Variants in OCA2 observed in about 807,000 individuals in gnomAD.
OCA2 encodes P protein.
In OCA2, 77 loss-of-function variants were observed where a neutral mutation model predicts 100.2. That is an observed-to-expected ratio of 0.77 (90% CI 0.64 to 0.93). The LOEUF (loss-of-function observed/expected upper bound fraction) is 0.93. Among genes scored for constraint, OCA2 ranks in the 40% least tolerant of loss-of-function variants. The pLI, the probability that OCA2 is intolerant of heterozygous loss-of-function variation, is 0.00. For missense variants in OCA2, 1,062 were observed against 1,089.1 expected, an observed-to-expected ratio of 0.98 and a Z score of 0.35; for synonymous variants, 432 against 439.2, an observed-to-expected ratio of 0.98 and a Z score of 0.21.
chr15:28,028,672 TTTG>T (rs987706815), intron 3 of OCA2, among the ~76,000 whole-genome samples: 18 of 152,070 alleles, frequency 1.2e-4, no homozygotes, highest in Admixed American at 5.2e-4. Context: ...TTTTGGGATT[TTTG>T]TTGTTGTTGT....
rs1164487310 is a variant in OCA2 at position 28,022,489 on chromosome 15, G to C, written c.646+12C>G. On this transcript the variant is annotated intron_variant, in intron 6 of 23. Transcript: ENST00000354638. ...CCAGGCGGCTGGCCATCTCAGAGTG[G>C]ATTTTGGATACAGTAGTTCTCCAGC... is the stretch of plus-strand genomic sequence containing the variant. The C allele has an allele frequency of 8.7e-6, 14 of 1,604,576 alleles. No homozygotes were observed. Among genetic ancestry groups the C allele is most frequent in the Non-Finnish European group, 1.2e-5 (14 of 1,171,298 alleles).
At chr15:27,763,582 G>A (rs531583002) in intron 23 of OCA2, among the ~76,000 whole-genome samples, 12 of 152,344 alleles carry the variant, frequency 7.9e-5, no homozygotes, top group Non-Finnish European at 1.2e-4. Context: ...GCAATGATGC[G>A]GCTGCTGTGA....
rs139963152 is a variant in OCA2 at position 27,831,415 on chromosome 15, C to A, written c.2432+13544G>T. ...ATTTCCAGGGAACACAGAGCAAAGG[C>A]GTCGACAGCGCTGAGCAGGCACAGA... On this transcript the variant is annotated intron_variant, in intron 23 of 23. Transcript: ENST00000354638. Among the ~76,000 whole-genome samples, 85 of 152,132 alleles carry A rather than the reference C, an allele frequency of 5.6e-4. 2 individuals are homozygous for A. The highest frequency in any genetic ancestry group is 2.0e-3 in the African/African-American group (82 of 41,504).
chr15:28,084,212 G>T (rs1348654567), intron 1 of OCA2, among the ~76,000 whole-genome samples: 1 of 152,198 alleles, frequency 6.6e-6, no homozygotes, highest in Non-Finnish European at 1.5e-5. Flanking sequence ...GAATCTGTTG[G>T]TGCTGTGATC....
chr15:28,022,075 A>T (rs1356379452), intron 6 of OCA2, among the ~76,000 whole-genome samples: 3 of 152,188 alleles, frequency 2.0e-5, no homozygotes, highest in Non-Finnish European at 4.4e-5. Context: ...ACTTCTAACT[A>T]AAAATTCTGA....
chr15:27,824,602 C>CTCTCTATATATATA, intron 23 of OCA2, among the ~76,000 whole-genome samples: 6 of 47,586 alleles, frequency 1.3e-4, no homozygotes, highest in South Asian at 1.5e-3. Context: ...CTCTCTCTCT[C>CTCTCTATATATATA]TATATATATA....
At chr15:27,990,753 C>T (rs778267876) in intron 9 of OCA2, 106 bp from the exon 10 acceptor site, 4 of 936,990 alleles carry the variant, frequency 4.3e-6, no homozygotes, top group Non-Finnish European at 7.0e-6. Context: ...CTGTGTACCA[C>T]ATCTATTCAA....
Position 27,896,638 on chromosome 15 carries a change from CAAAA to C in OCA2, c.2080-24720_2080-24717del, listed in dbSNP as rs58489908. On this transcript the variant is annotated intron_variant, in intron 19 of 23. Transcript: ENST00000354638. ...ATGAAGATCATAAACTTATTGACAGCAAAAAAAAAAAAAAAAAATGAACTTTATA... is the reference window on the plus strand; with the variant it reads ...ATGAAGATCATAAACTTATTGACAGCAAAAAAAAAAAAAATGAACTTTATA... The C allele has an allele frequency of 9.9e-3, 1,404 of 141,396 alleles. 3 individuals are homozygous for C. The highest frequency in any genetic ancestry group is 0.022 in the East Asian group (111 of 5,114). 8.8% of individuals were successfully genotyped at this position (141,396 alleles called of 1,614,324 possible).
chr15:27,790,386 A>G (rs1413814616), intron 23 of OCA2, among the ~76,000 whole-genome samples: 1 of 152,224 alleles, frequency 6.6e-6, no homozygotes, highest in African/African-American at 2.4e-5. Flanking sequence ...GGTGAGAGAA[A>G]TGAAAACATA....
chr15:28,054,801 C>T (rs2043636863), intron 2 of OCA2, among the ~76,000 whole-genome samples: 2 of 152,184 alleles, frequency 1.3e-5, no homozygotes, highest in South Asian at 4.1e-4. Flanking sequence ...GTTTAATTGA[C>T]TCACAGTTCC....
At chr15:28,033,847 T>C (rs1270332011) in intron 2 of OCA2, among the ~76,000 whole-genome samples, 1 of 152,178 alleles carries the variant, frequency 6.6e-6, no homozygotes, top group Non-Finnish European at 1.5e-5. Flanking sequence ...ACTCCCTAGG[T>C]ACATTTAGAA....
chr15:28,000,097 T>A (rs779945951), intron 9 of OCA2, among the ~76,000 whole-genome samples: 3 of 152,114 alleles, frequency 2.0e-5, no homozygotes, highest in Non-Finnish European at 2.9e-5. Context: ...GCATTTTTCA[T>A]AGAAATAGAA....
At chr15:28,079,187 T>C (rs1360053387) in intron 2 of OCA2, among the ~76,000 whole-genome samples, 1 of 152,200 alleles carries the variant, frequency 6.6e-6, no homozygotes, top group Non-Finnish European at 1.5e-5. Flanking sequence ...GAACCCATAA[T>C]AGATGAGTTT....
intron 21 of OCA2, among the ~76,000 whole-genome samples, chr15:27,866,474 A>G (rs1260649652): frequency 6.6e-6 from 1 of 152,236 alleles, no homozygotes; most frequent in Non-Finnish European, 1.5e-5. Flanking sequence ...GAGGAGGCAG[A>G]CACAGAGTTA....
At chr15:27,985,371 G>A (rs2041319973) in intron 12 of OCA2, among the ~76,000 whole-genome samples, 183 bp from the exon 13 acceptor site, 1 of 152,120 alleles carries the variant, frequency 6.6e-6, no homozygotes, top group Admixed American at 6.5e-5. Context: ...GAAGTTCCTA[G>A]ACATTCTAAA....
chr15:27,989,816 T>C, intron 10 of OCA2, 150 bp from the exon 11 acceptor site: 1 of 731,616 alleles, frequency 1.4e-6, no homozygotes, highest in Non-Finnish European at 2.5e-6. Context: ...AGTTGGATTA[T>C]ATCGCTGCTG....
At chr15:27,804,979 G>A (rs934066021) in intron 23 of OCA2, among the ~76,000 whole-genome samples, 3 of 152,220 alleles carry the variant, frequency 2.0e-5, no homozygotes, top group African/African-American at 7.2e-5. Context: ...GCACTCTAGC[G>A]AGACACACAG....
At chr15:27,933,079 G>A (rs2039314648) in intron 18 of OCA2, among the ~76,000 whole-genome samples, 1 of 152,146 alleles carries the variant, frequency 6.6e-6, no homozygotes, top group African/African-American at 2.4e-5. Context: ...CTACTCAATC[G>A]CAGTCTGTTT....
chr15:27,869,298 A>G (rs2036450545), intron 21 of OCA2, among the ~76,000 whole-genome samples: 1 of 152,188 alleles, frequency 6.6e-6, no homozygotes, highest in Non-Finnish European at 1.5e-5. Context: ...GATGGATGGG[A>G]CCCACATTCA....
Sources: allele counts gnomAD v4.1 joint callset (sites outside exome capture counted in the v4.1 genomes callset), GRCh38; gene constraint gnomAD v4.1.1; transcripts MANE v1.5; gene names NCBI Gene and HGNC (gene_info 2026-07-23, HGNC 2026-07-21).